Variants in ABCA2 observed in about 807,000 individuals in gnomAD.
ABCA2 encodes ATP binding cassette subfamily A member 2.
In ABCA2, 84 loss-of-function variants were observed where a neutral mutation model predicts 262.8. The ratio of observed to expected loss-of-function variants is 0.32; its 90% confidence interval spans 0.27 to 0.38. The LOEUF (loss-of-function observed/expected upper bound fraction) is 0.38, where lower values mean the gene tolerates loss of function less well. ABCA2 is among the 10% of genes least tolerant of loss of function. The pLI is 1.00. For synonymous variants in ABCA2, 1,696 were observed against 1,502.9 expected (o/e 1.13, Z -2.97); for missense variants, 2,662 against 3,405.9 (o/e 0.78, Z 5.44).
chr9:137,016,707 G>T lies in ABCA2; in HGVS notation c.2790C>A (p.Phe930Leu). The T allele has an allele frequency of 6.3e-7, 1 of 1,575,560 alleles. No homozygotes were observed. Reference sequence around the variant, plus strand: ...CCAGCCAGTAGGACTTCTGCAGTGGGAAGTACCAGGGCCGGGGCAGCCCGT... The same window carrying T: ...CCAGCCAGTAGGACTTCTGCAGTGGTAAGTACCAGGGCCGGGGCAGCCCGT... ...GMYGLPRPWY[F>L]PLQKSYWLGS... is the part of the protein sequence containing the mutation. Residue 930 changes from phenylalanine to leucine, a missense_variant, in exon 20 of 49, where the codon TTC (phenylalanine) becomes TTA (leucine). Phe to Leu is a conservative substitution (Grantham distance 22). Transcript: ENST00000341511.
At position 137,015,665 on chromosome 9, in the gene ABCA2, C is replaced by A. The variant is rs766893275; in HGVS notation, c.3514+10G>T. Reference sequence around the variant, plus strand: ...CGCCCGCACCCCTGCCCACACGGCACCCCACTCACCTGGCTTGTACTTCAG... The same window carrying A: ...CGCCCGCACCCCTGCCCACACGGCAACCCACTCACCTGGCTTGTACTTCAG... On this transcript the variant is annotated intron_variant, in intron 23 of 48. Transcript: ENST00000341511. 6.2e-7 allele frequency: 1 copy of A among 1,609,178 alleles called. No homozygotes were observed. Among genetic ancestry groups the A allele is most frequent in the African/African-American group, 1.3e-5 (1 of 74,842 alleles).
chr9:137,011,615 C>T lies in ABCA2; in HGVS notation c.5651+19G>A. On this transcript the variant is annotated intron_variant, in intron 36 of 48. Transcript: ENST00000341511. The surrounding 1 kb of genome is among the most constrained non-coding windows in gnomAD (Gnocchi z 8.8). Reference sequence around the variant, plus strand: ...CCCCGGTCCCACCTGAGGCCGCTCCCCCCTCCGCTTCCGCTTACCCATAGA... The same window carrying T: ...CCCCGGTCCCACCTGAGGCCGCTCCTCCCTCCGCTTCCGCTTACCCATAGA... 3 of 1,553,290 alleles carry T rather than the reference C, an allele frequency of 1.9e-6. No individual in the cohort carries two copies. Among genetic ancestry groups the T allele is most frequent in the Non-Finnish European group, 2.6e-6 (3 of 1,148,806 alleles).
intron 39 of ABCA2, 88 bp downstream of exon 39, chr9:137,010,885 C>CA: frequency 1.4e-6 from 1 of 714,984 alleles, no homozygotes; most frequent in Non-Finnish European, 2.3e-6. Flanking sequence ...TGCCCCATCC[C>CA]TGCCCCCACC....
Position 137,023,859 on chromosome 9 carries a change from C to G in ABCA2, c.161-19G>C. The stretch of plus-strand genomic sequence containing the variant: ...TTACAGACTGCATGCCAGCCGAGGA[C>G]AAGAGACCATGCGGGGAGGGAGGGG... On this transcript the variant is annotated intron_variant, in intron 2 of 48. Coordinates refer to ENST00000341511, the MANE Select transcript of ABCA2 (RefSeq NM_001606.5). 1.2e-6 allele frequency: 1 copy of G among 865,268 alleles called. No homozygotes were observed. The highest frequency in any genetic ancestry group is 2.0e-6 in the Non-Finnish European group (1 of 506,870). The allele number at this position is 865,268 out of a possible 1,614,324, so 53.6% of individuals were successfully genotyped here.
In ABCA2 at chr9:137,019,276, C is replaced by T. The variant is rs776790157; in HGVS notation, c.1456G>A (p.Val486Met). The stretch of plus-strand genomic sequence containing the variant: ...AGCCAGACCTGGGCATAGTGAGTCA[C>T]GTTGCCCACAAAAGCAAAAGTCTCG... Reference protein sequence around the residue: ...ANETFAFVGNVTHYAQVWLNI... With the variant: ...ANETFAFVGNMTHYAQVWLNI... The change falls in exon 11 of 49, where the codon GTG (valine) becomes ATG (methionine). Residue 486 changes from valine to methionine, a missense_variant. Around this residue, in one of 12 missense-constraint regions of ABCA2, gnomAD observed 92 missense variants for 146.7 expected, o/e 0.63. Coordinates refer to ENST00000341511, the MANE Select transcript of ABCA2 (RefSeq NM_001606.5). This position sits in a 1 kb window ranked among gnomAD's most constrained non-coding sequence, Gnocchi z 4.4. The T allele has an allele frequency of 3.1e-6, 5 of 1,612,662 alleles. No homozygotes were observed. Among genetic ancestry groups the T allele is most frequent in the East Asian group, 4.5e-5 (2 of 44,862 alleles).
At chr9:137,009,321 G>T (rs766232035) in intron 45 of ABCA2, 49 bp downstream of exon 45, 9 of 1,181,570 alleles carry the variant, frequency 7.6e-6, no homozygotes, top group Non-Finnish European at 9.2e-6. Context: ...CTGCCTGGCC[G>T]CCCCCCCCGG....
rs374949025 is a variant in ABCA2, at chr9:137,012,392, G to C, written c.5188-16C>G. 2 of 1,610,266 alleles carry C rather than the reference G, an allele frequency of 1.2e-6. No homozygotes were observed. Among genetic ancestry groups the C allele is most frequent in the Middle Eastern group, 1.6e-4 (1 of 6,082 alleles). ...TGTAGAAAACCTGCAGAAGGAAGAGGACACAGAAAGGCCCCAGGACCTCAG... is the reference window on the plus strand; with the variant it reads ...TGTAGAAAACCTGCAGAAGGAAGAGCACACAGAAAGGCCCCAGGACCTCAG... On this transcript the variant is annotated splice_polypyrimidine_tract_variant and intron_variant, in intron 32 of 48. Coordinates refer to ENST00000341511, the MANE Select transcript of ABCA2 (RefSeq NM_001606.5).
rs370859557 is a variant in ABCA2 at position 137,010,310 on chromosome 9, C to T, written c.6236G>A (p.Arg2079His). The T allele has an allele frequency of 1.9e-5, 30 of 1,591,646 alleles. No individual in the cohort carries two copies. The highest frequency in any genetic ancestry group is 2.3e-5 in the Non-Finnish European group (27 of 1,170,072). Residue 2079 changes from arginine to histidine, a missense_variant, in exon 41 of 49, where the codon CGT becomes CAT. Arg to His is a conservative substitution (Grantham distance 29, BLOSUM62 0). Around this residue, in one of 12 missense-constraint regions of ABCA2, gnomAD observed 602 missense variants for 897.4 expected, o/e 0.67. Transcript: ENST00000341511. ...LAVDRLCLGVRPGECFGLLGV... is the reference protein window; with the variant it reads ...LAVDRLCLGVHPGECFGLLGV... ...CAGGAGCCCGAAGCACTCGCCAGGA[C>T]GCACACCCAGGCACAGGCGGTCAAC...
chr9:137,013,406 TC>T, intron 29 of ABCA2, 54 bp downstream of exon 29: 1 of 1,548,190 alleles, frequency 6.5e-7, no homozygotes, highest in Non-Finnish European at 8.7e-7. Flanking sequence ...ACCAAGGCTG[TC>T]CCCGCCCCTT....
Position 137,010,602 on chromosome 9 carries a change from T to A in ABCA2, c.6174+18A>T. The A allele has an allele frequency of 1.1e-3, 473 of 426,508 alleles. No homozygotes were observed. Among genetic ancestry groups the A allele is most frequent in the Non-Finnish European group, 1.9e-3 (438 of 232,330 alleles). 26.4% of individuals were successfully genotyped at this position (426,508 alleles called of 1,614,324 possible). A position where few individuals can be genotyped will look rare whatever the true frequency, so the allele number is the denominator to read the frequency against. On this transcript the variant is annotated intron_variant, in intron 40 of 48. Coordinates refer to ENST00000341511, the MANE Select transcript of ABCA2 (RefSeq NM_001606.5). Reference sequence around the variant, plus strand: ...GGCCTACCCCACCCAGGCCCCACCCTACATGCCCAGAGCCCACCTTGGTCA... The same window carrying A: ...GGCCTACCCCACCCAGGCCCCACCCAACATGCCCAGAGCCCACCTTGGTCA...
intron 10 of ABCA2, 159 bp downstream of exon 10, chr9:137,020,177 C>A: frequency 1.1e-6 from 1 of 903,388 alleles, no homozygotes; most frequent in South Asian, 1.6e-5. Flanking sequence ...AAAAGCGACC[C>A]CCTGGTCCCC....
chr9:137,014,706 C>T lies in ABCA2; in HGVS notation c.3987G>A (p.Leu1329=). 1.9e-6 allele frequency: 3 copies of T among 1,606,548 alleles called. No individual in the cohort carries two copies. The highest frequency in any genetic ancestry group is 2.5e-6 in the Non-Finnish European group (3 of 1,177,762). ...GCCCCTCACCGGCCTCACTGTTCTC[C>T]AGCGACTGATCCTCCTCCGACACCT... is the stretch of plus-strand genomic sequence containing the variant. The part of the protein sequence containing the change: ...FLKVSEEDQS[L]ENSEADVKES... Residue 1329 remains leucine, a synonymous_variant, in exon 26 of 49, where the codon CTG becomes CTA. Transcript: ENST00000341511.
rs771289692 is a variant in ABCA2, at chr9:137,020,318, C to T, written c.1425+18G>A. On this transcript the variant is annotated intron_variant, in intron 10 of 48. Coordinates refer to ENST00000341511, the MANE Select transcript of ABCA2 (RefSeq NM_001606.5). Reference sequence around the variant, plus strand: ...CCCACTCTGCCTGTCAAACATGGAGCGTCCCAGACCCGTGCACCTTGAGGA... The same window carrying T: ...CCCACTCTGCCTGTCAAACATGGAGTGTCCCAGACCCGTGCACCTTGAGGA... 3.5e-5 allele frequency: 57 copies of T among 1,611,048 alleles called. No homozygotes were observed. The East Asian group carries it at 9.6e-4, about 27-fold the overall frequency.
chr9:137,008,646 G>A, intron 47 of ABCA2, 24 bp from the exon 48 acceptor site: 1 of 1,590,232 alleles, frequency 6.3e-7, no homozygotes, highest in Non-Finnish European at 8.6e-7. Context: ...CAGGCGTGTG[G>A]GGAGGGGGCT....
chr9:137,020,546 G>A (rs750453889), intron 9 of ABCA2, 51 bp from the exon 10 acceptor site: 23 of 1,548,006 alleles, frequency 1.5e-5, no homozygotes, highest in African/African-American at 6.8e-5. Flanking sequence ...GCAGGGCCGC[G>A]AGAGTGGGAG....
rs747671796 is a variant in ABCA2, at chr9:137,013,447, G to A, written c.4550+14C>T. ...CGCCCCACCCACCAAGGCTGCCCCC[G>A]CTGGAGGCCTCACCGGTACTCGCGG... is the stretch of plus-strand genomic sequence containing the variant. On this transcript the variant is annotated intron_variant, in intron 29 of 48. Coordinates refer to ENST00000341511, the MANE Select transcript of ABCA2 (RefSeq NM_001606.5). 2.1e-5 allele frequency: 33 copies of A among 1,541,958 alleles called. No individual in the cohort carries two copies. The highest frequency in any genetic ancestry group is 3.5e-5 in the South Asian group (3 of 86,380).
Position 137,017,454 on chromosome 9 carries a change from C to T in ABCA2, c.2402+48G>A, listed in dbSNP as rs749869195. 4 of 1,596,016 alleles carry T rather than the reference C, an allele frequency of 2.5e-6. No individual in the cohort carries two copies. The Admixed American group carries it at 6.7e-5, about 27-fold the overall frequency. Reference sequence around the variant, plus strand: ...TCTGAGAGGATGTGGGGTGAGCTTGCTGGGCAAGTGCCTGCCCCAGGTCCC... The same window carrying T: ...TCTGAGAGGATGTGGGGTGAGCTTGTTGGGCAAGTGCCTGCCCCAGGTCCC... On this transcript the variant is annotated intron_variant, in intron 17 of 48. Coordinates refer to ENST00000341511, the MANE Select transcript of ABCA2 (RefSeq NM_001606.5).
intron 3 of ABCA2, 141 bp from the exon 4 acceptor site, chr9:137,023,193 G>A (rs770119150): frequency 5.6e-6 from 4 of 712,496 alleles, no homozygotes; most frequent in East Asian, 2.7e-5. Context: ...GGGAGAAGGC[G>A]GCACAGAGCC....
chr9:137,016,634 T>C lies in ABCA2; in HGVS notation c.2863A>G (p.Thr955Ala), dbSNP rs775139384. ...TCCTCCATGACACTGAGGCGGGGGG[T>C]GCGTGCCCACGGCCAGCTCCACTCC... ...AWEWSWPWAR[T>A]PRLSVMEEDQ... The change falls in exon 20 of 49, where the codon ACC (threonine) becomes GCC (alanine). Residue 955 changes from threonine (T) to alanine (A), a missense_variant. This residue lies in a region of ABCA2 where 133 missense variants were observed against 150.8 expected (regional missense o/e 0.88). Transcript: ENST00000341511. The C allele has an allele frequency of 1.2e-5, 20 of 1,609,806 alleles. No homozygotes were observed. Among genetic ancestry groups the C allele is most frequent in the Non-Finnish European group, 1.7e-5 (20 of 1,178,922 alleles).
Sources: allele counts gnomAD v4.1 joint callset, GRCh38; gene constraint gnomAD v4.1.1; regional missense constraint gnomAD v4.1.1; non-coding constraint Gnocchi (gnomAD v3.1); transcripts MANE v1.5; gene names NCBI Gene and HGNC (gene_info 2026-07-23, HGNC 2026-07-21).